KIF26B: variants seen among roughly 807,000 people sequenced by gnomAD.
The protein encoded by KIF26B is kinesin family member 26B, also known as kinesin-like protein KIF26B.
In KIF26B, 63 loss-of-function variants were observed where a neutral mutation model predicts 151.2. The observed-to-expected ratio is 0.42, with a 90% confidence interval of 0.34 to 0.51. KIF26B has a LOEUF of 0.51. KIF26B is among the 20% of genes least tolerant of loss of function. The probability of loss-of-function intolerance (pLI) is 0.07; values close to 1 mark genes in which losing one functional copy is unlikely to be tolerated. For synonymous variants in KIF26B, 1,357 were observed against 1,262.1 expected, an observed-to-expected ratio of 1.08 and a Z score of -1.59; for missense variants, 2,813 against 2,913.6, an observed-to-expected ratio of 0.97 and a Z score of 0.79.
At chr1:245,254,031 CG>C (rs1670491787) in intron 2 of KIF26B, among the ~76,000 whole-genome samples, 1 of 151,806 alleles carries the variant, frequency 6.6e-6, no homozygotes, top group African/African-American at 2.4e-5. Context: ...AGGATGGTCT[CG>C]ATCTCCTGAC....
rs1264518171 is a variant in KIF26B at position 245,602,602 on chromosome 1, C to T, written c.1376C>T (p.Ser459Phe). ...GTGAAAGTCATGCTTCGCATCTGTT[C>T]CACCTTGGCTCGAGATACTTCAGAA... ...GKVKVMLRIC[S>F]TLARDTSESS... The change falls in exon 6 of 15, where the codon TCC becomes TTC. Residue 459 changes from serine to phenylalanine, a missense_variant. Transcript: ENST00000407071. The surrounding 1 kb of genome is among the most constrained non-coding windows in gnomAD (Gnocchi z 4.5). 1.2e-6 allele frequency: 2 copies of T among 1,613,234 alleles called. No homozygotes were observed. The highest frequency in any genetic ancestry group is 1.7e-6 in the Non-Finnish European group (2 of 1,179,504).
At chr1:245,542,200 A>G (rs1661640545) in intron 5 of KIF26B, among the ~76,000 whole-genome samples, 1 of 152,196 alleles carries the variant, frequency 6.6e-6, no homozygotes, top group East Asian at 1.9e-4. Flanking sequence ...AAAAAATTTA[A>G]AAGTCAGCTG....
At chr1:245,191,334 G>A (rs1211415325) in intron 2 of KIF26B, among the ~76,000 whole-genome samples, 4 of 151,854 alleles carry the variant, frequency 2.6e-5, no homozygotes, top group African/African-American at 4.8e-5. Flanking sequence ...ACTTAGCTGG[G>A]CGTGATGGCA....
At chr1:245,403,269 A>T (rs896259733) in intron 3 of KIF26B, among the ~76,000 whole-genome samples, 2 of 152,164 alleles carry the variant, frequency 1.3e-5, no homozygotes, top group Non-Finnish European at 2.9e-5. Context: ...CACCCTGCCG[A>T]GCTTGACTAG....
At chr1:245,190,225 G>T (rs1322104465) in intron 2 of KIF26B, among the ~76,000 whole-genome samples, 6 of 152,206 alleles carry the variant, frequency 3.9e-5, no homozygotes, top group Non-Finnish European at 7.3e-5. Context: ...GATGAAATTT[G>T]GGAGGGGACA....
chr1:245,248,715 T>G (rs1670383798), intron 2 of KIF26B, among the ~76,000 whole-genome samples: 2 of 152,350 alleles, frequency 1.3e-5, no homozygotes, highest in Middle Eastern at 3.4e-3. Context: ...CACGGTAGTT[T>G]AAACTGAACT....
At chr1:245,323,718 T>C (rs1474006062) in intron 2 of KIF26B, among the ~76,000 whole-genome samples, 2 of 152,256 alleles carry the variant, frequency 1.3e-5, no homozygotes, top group Non-Finnish European at 2.9e-5. Flanking sequence ...ATTAATTTGT[T>C]AACTAATTAA....
At chr1:245,673,786 A>G (rs2044324510) in intron 10 of KIF26B, 1 of 152,250 alleles carries the variant, frequency 6.6e-6, no homozygotes, top group Non-Finnish European at 1.5e-5. Context: ...GAGACGATGA[A>G]GCGGCAAGCC....
At position 245,560,667 on chromosome 1, in the gene KIF26B, C is replaced by T. The variant is rs553919231; in HGVS notation, c.1350+19717C>T. Among the ~76,000 whole-genome samples the T allele has an allele frequency of 1.3e-5, 2 of 152,234 alleles. No individual in the cohort carries two copies. Among genetic ancestry groups the T allele is most frequent in the South Asian group, 2.1e-4 (1 of 4,814 alleles). On this transcript the variant is annotated intron_variant, in intron 5 of 14. Transcript: ENST00000407071. The surrounding 1 kb of genome is among the most constrained non-coding windows in gnomAD (Gnocchi z 4.3). The stretch of plus-strand genomic sequence containing the variant: ...TTTCTGGAAAAGTGGGAAACGCAAA[C>T]CTGTCAACCTGTCAGTCTCTCCCCT...
chr1:245,336,082 A>G (rs113672538), intron 2 of KIF26B, among the ~76,000 whole-genome samples: 4 of 130,562 alleles, frequency 3.1e-5, no homozygotes, highest in Admixed American at 7.4e-5. Flanking sequence ...CAGGGAAAGG[A>G]GGGTCCCACG....
chr1:245,302,154 A>G (rs1179923024), intron 2 of KIF26B, among the ~76,000 whole-genome samples: 1 of 152,202 alleles, frequency 6.6e-6, no homozygotes, highest in Non-Finnish European at 1.5e-5. Flanking sequence ...TCTTTCCCGC[A>G]TTTCTAATGA....
In KIF26B at chr1:245,218,573, G is replaced by T. The variant is rs1669696468; in HGVS notation, c.465+61890G>T. Among the ~76,000 whole-genome samples, 1 of 152,164 alleles carries T rather than the reference G, an allele frequency of 6.6e-6. No individual in the cohort carries two copies. Among genetic ancestry groups the T allele is most frequent in the African/African-American group, 2.4e-5 (1 of 41,432 alleles). On this transcript the variant is annotated intron_variant, in intron 2 of 14. Coordinates refer to ENST00000407071, the MANE Select transcript of KIF26B (RefSeq NM_018012.4). This position sits in a 1 kb window ranked among gnomAD's most constrained non-coding sequence, Gnocchi z 4.1. Reference sequence around the variant, plus strand: ...TCTCTATGGAAGAACAAGAACCGAGGTGTCTCTTCTGCCCCATTTCTAGCC... The same window carrying T: ...TCTCTATGGAAGAACAAGAACCGAGTTGTCTCTTCTGCCCCATTTCTAGCC...
chr1:245,547,270 A>C (rs1661766286), intron 5 of KIF26B, among the ~76,000 whole-genome samples: 1 of 152,320 alleles, frequency 6.6e-6, no homozygotes, highest in Non-Finnish European at 1.5e-5. Flanking sequence ...TGGGCAGGAA[A>C]GTCATCCCAA....
At chr1:245,557,199 T>C (rs1237772844) in intron 5 of KIF26B, among the ~76,000 whole-genome samples, 1 of 152,190 alleles carries the variant, frequency 6.6e-6, no homozygotes, top group Non-Finnish European at 1.5e-5. Flanking sequence ...TCCAAATAAG[T>C]TGGATAATAT....
At chr1:245,505,008 G>A (rs890288382) in intron 4 of KIF26B, among the ~76,000 whole-genome samples, 10 of 152,088 alleles carry the variant, frequency 6.6e-5, no homozygotes, top group Non-Finnish European at 1.0e-4. Flanking sequence ...GCACACTCTT[G>A]GCTCACTGCA....
rs1217729982 is a variant in KIF26B, at chr1:245,354,183, G to C, written c.466-12651G>C. 2.0e-5 allele frequency among the ~76,000 whole-genome samples: 3 copies of C among 152,260 alleles called. 1 individual carries two copies. The highest frequency in any genetic ancestry group is 4.4e-5 in the Non-Finnish European group (3 of 68,006). ...AAATGTGGTTTTATGAGGGAACAAAGCAAGTTTTGGTTTTCTTTAGAATTG... is the reference window on the plus strand; with the variant it reads ...AAATGTGGTTTTATGAGGGAACAAACCAAGTTTTGGTTTTCTTTAGAATTG... On this transcript the variant is annotated intron_variant, in intron 2 of 14. Transcript: ENST00000407071.
rs2043461427 is a variant in KIF26B at position 245,606,951 on chromosome 1, A to C, written c.1558-700A>C. Among the ~76,000 whole-genome samples, 1 of 151,552 alleles carries C rather than the reference A, an allele frequency of 6.6e-6. No individual in the cohort carries two copies. Among genetic ancestry groups the C allele is most frequent in the Non-Finnish European group, 1.5e-5 (1 of 67,938 alleles). On this transcript the variant is annotated intron_variant, in intron 6 of 14. Coordinates refer to ENST00000407071, the MANE Select transcript of KIF26B (RefSeq NM_018012.4). The surrounding 1 kb of genome is among the most constrained non-coding windows in gnomAD (Gnocchi z 4.6). ...CATGGTGGCACATGCCTGTAATCCC[A>C]GCTACTCGGGAGGCTGAGGCAAGAG...
chr1:245,589,158 G>A (rs920406751), intron 5 of KIF26B, among the ~76,000 whole-genome samples: 1 of 152,086 alleles, frequency 6.6e-6, no homozygotes, highest in East Asian at 1.9e-4. Flanking sequence ...AGATCCCTTC[G>A]GTGGTTTTCC....
At chr1:245,387,959 G>T (rs111324803) in intron 3 of KIF26B, among the ~76,000 whole-genome samples, 1 of 152,142 alleles carries the variant, frequency 6.6e-6, no homozygotes, top group Admixed American at 6.5e-5. Context: ...GTTCTCATGC[G>T]TGCTTCTATT....
Sources: gnomAD v4.1 joint callset for allele counts (sites outside exome capture counted in the v4.1 genomes callset) on GRCh38, gnomAD v4.1.1 for gene constraint, Gnocchi (gnomAD v3.1) non-coding constraint, MANE v1.5 for transcripts, NCBI Gene and HGNC (gene_info 2026-07-23, HGNC 2026-07-21) for gene names.